The following SESTD1 variants were observed in gnomAD, a reference collection of about 807,000 sequenced individuals.
The protein encoded by SESTD1 is SEC14 domain and spectrin repeat-containing protein 1.
A neutral mutation model predicts 101.7 loss-of-function variants in SESTD1; 43 were observed. That is an observed-to-expected ratio of 0.42 (90% confidence interval 0.33 to 0.55). The LOEUF (loss-of-function observed/expected upper bound fraction) is 0.55, where lower values mean the gene tolerates loss of function less well. Ranked by LOEUF, SESTD1 falls within the 20% of genes least tolerant of loss-of-function variation. The pLI is 0.07. For missense variants in SESTD1, 647 were observed against 815.1 expected, an observed-to-expected ratio of 0.79 and a Z score of 2.51; for synonymous variants, 283 against 286.8, an observed-to-expected ratio of 0.99 and a Z score of 0.13.
At chr2:179,143,564 G>C (rs2045326990) in intron 9 of SESTD1, 28 bp downstream of exon 9, 1 of 1,594,728 alleles carries the variant, frequency 6.3e-7, no homozygotes, top group Non-Finnish European at 8.6e-7. Flanking sequence ...ATTAAAAAGA[G>C]TTAAATATAT....
At chr2:179,117,426 AG>A in intron 14 of SESTD1, 105 bp downstream of exon 14, 1 of 986,820 alleles carries the variant, frequency 1.0e-6, no homozygotes, top group Non-Finnish European at 1.5e-6. Flanking sequence ...CCTGACTTCA[AG>A]AATTTACTTT....
rs148092417 is a variant in SESTD1 at position 179,195,422 on chromosome 2, G to T, written c.-25-3556C>A. Among the ~76,000 whole-genome samples, 645 of 152,292 alleles carry T rather than the reference G, an allele frequency of 4.2e-3. 2 individuals carry two copies. Among genetic ancestry groups the T allele is most frequent in the African/African-American group, 0.014 (596 of 41,550 alleles). On this transcript the variant is annotated intron_variant, in intron 1 of 17. Transcript: ENST00000428443. Reference sequence around the variant, plus strand: ...TGTTAAGTTTCCTGAGGTCTCCCCAGCCATGCAGAACTGTGAGTGAATTAA... The same window carrying T: ...TGTTAAGTTTCCTGAGGTCTCCCCATCCATGCAGAACTGTGAGTGAATTAA...
chr2:179,196,978 GAGA>G (rs1477206563), intron 1 of SESTD1, among the ~76,000 whole-genome samples: 1 of 152,224 alleles, frequency 6.6e-6, no homozygotes, highest in South Asian at 2.1e-4. Flanking sequence ...GATGAGCTGA[GAGA>G]AGAAGGCTTC....
chr2:179,243,191 A>C (rs1447020931), intron 1 of SESTD1, among the ~76,000 whole-genome samples: 2 of 152,178 alleles, frequency 1.3e-5, no homozygotes, highest in Admixed American at 1.3e-4. Flanking sequence ...GCTCAATATC[A>C]CTAGTCATCA....
chr2:179,227,715 T>C (rs1229188806), intron 1 of SESTD1, among the ~76,000 whole-genome samples: 1 of 152,084 alleles, frequency 6.6e-6, no homozygotes, highest in Non-Finnish European at 1.5e-5. Flanking sequence ...GAAGTAGCAA[T>C]TCCCGGTTTT....
At chr2:179,132,666 T>A (rs750950220) in intron 9 of SESTD1, among the ~76,000 whole-genome samples, 18 of 152,248 alleles carry the variant, frequency 1.2e-4, no homozygotes, top group Non-Finnish European at 2.1e-4. Flanking sequence ...GCTATCTGAT[T>A]ATCTTTCAGG....
At chr2:179,246,724 T>C (rs1209209113) in intron 1 of SESTD1, among the ~76,000 whole-genome samples, 1 of 152,124 alleles carries the variant, frequency 6.6e-6, no homozygotes, top group East Asian at 1.9e-4. Context: ...TCTCAACAAA[T>C]TTAAAATAAC....
At chr2:179,199,791 T>C (rs980072764) in intron 1 of SESTD1, among the ~76,000 whole-genome samples, 2 of 152,232 alleles carry the variant, frequency 1.3e-5, no homozygotes, top group Non-Finnish European at 2.9e-5. Context: ...AATTAGGTAT[T>C]GATGGGACAT....
At chr2:179,235,947 T>A (rs926605729) in intron 1 of SESTD1, among the ~76,000 whole-genome samples, 1 of 152,164 alleles carries the variant, frequency 6.6e-6, no homozygotes, top group Non-Finnish European at 1.5e-5. Context: ...ATGAAATTCC[T>A]ACTCATGCTT....
intron 1 of SESTD1, among the ~76,000 whole-genome samples, chr2:179,230,787 A>AT (rs1419592460): frequency 6.6e-6 from 1 of 152,100 alleles, no homozygotes; most frequent in African/African-American, 2.4e-5. Context: ...CCAAAAAAAA[A>AT]TTTGCAGAAA....
intron 15 of SESTD1, 140 bp downstream of exon 15, chr2:179,116,528 T>C: frequency 7.3e-7 from 1 of 1,361,392 alleles, no homozygotes; most frequent in Non-Finnish European, 1.0e-6. Flanking sequence ...ATGCACCAGC[T>C]GACATTTTCT....
Position 179,117,592 on chromosome 2 carries a change from CA to C in SESTD1, c.1463del (p.Val488GlyfsTer4). On this transcript the variant is annotated frameshift_variant, in exon 14 of 18. Transcript: ENST00000428443. LOFTEE classifies it high-confidence loss of function. ...CCATCTGAAGCATCTTTAACCTTCG[CA>C]CATCTACCATGTCTTCACATCTAAT... is the stretch of plus-strand genomic sequence containing the variant. ...RKQRCEDMVDVRRLKMLQMVQ... is the reference protein window; with the variant it reads ...RKQRCEDMVDXRRLKMLQMVQ... The C allele has an allele frequency of 6.3e-7, 1 of 1,581,110 alleles. No individual in the cohort carries two copies. Among genetic ancestry groups the C allele is most frequent in the Non-Finnish European group, 8.6e-7 (1 of 1,169,368 alleles).
chr2:179,121,819 C>T lies in SESTD1; in HGVS notation c.1393G>A (p.Val465Met), dbSNP rs368008123. 6.8e-6 allele frequency: 11 copies of T among 1,608,064 alleles called. No homozygotes were observed. The highest frequency in any genetic ancestry group is 9.3e-6 in the Non-Finnish European group (11 of 1,177,252). ...KDVTIENKEN[V>M]DHIQGVMEDM... ...TCCATCACTCCTTGTATGTGGTCCA[C>T]ATTTTCTTTATTTTCAATGGTTACA... Residue 465 changes from valine (V) to methionine (M), a missense_variant, in exon 13 of 18, where the codon GTG (valine) becomes ATG (methionine). Val to Met is a conservative substitution (Grantham distance 21). Transcript: ENST00000428443.
chr2:179,193,094 C>T (rs561217517), intron 1 of SESTD1, among the ~76,000 whole-genome samples: 1 of 151,994 alleles, frequency 6.6e-6, no homozygotes, highest in Non-Finnish European at 1.5e-5. Flanking sequence ...AACAGCCCTG[C>T]TCTAGGGGGT....
intron 7 of SESTD1, 68 bp downstream of exon 7, chr2:179,149,229 T>C (rs2045464935): frequency 2.7e-6 from 3 of 1,110,100 alleles, no homozygotes; most frequent in Admixed American, 2.6e-5. Context: ...GCATTAACAA[T>C]AGAGATATCT....
rs538450912 is a variant in SESTD1, at chr2:179,213,453, A to G, written c.-25-21587T>C. 5.9e-5 allele frequency among the ~76,000 whole-genome samples: 8 copies of G among 135,088 alleles called. 2 individuals carry two copies. In the East Asian group the frequency reaches 6.0e-4, roughly 10 times the overall value. 88.6% of individuals were successfully genotyped at this position (135,088 alleles called of 152,430 possible). On this transcript the variant is annotated intron_variant, in intron 1 of 17. Transcript: ENST00000428443. ...ACAGAAAGACAAGCTTAAAGAAAAA[A>G]GAGTAAAAAGAAACGAACAAAGCCT...
chr2:179,149,523 T>G (rs552056272), intron 6 of SESTD1, 129 bp from the exon 7 acceptor site: 2 of 575,230 alleles, frequency 3.5e-6, no homozygotes, highest in South Asian at 5.2e-5. Flanking sequence ...TTCGTGCAAT[T>G]CTACCACCAG....
At chr2:179,123,637 G>A (rs755826946) in intron 12 of SESTD1, 78 bp downstream of exon 12, 51 of 913,730 alleles carry the variant, frequency 5.6e-5, no homozygotes, top group Non-Finnish European at 7.8e-5. Context: ...AGTGTAAGTT[G>A]ACTTAATTGT....
intron 1 of SESTD1, among the ~76,000 whole-genome samples, chr2:179,215,948 T>C (rs1313133856): frequency 7.4e-6 from 1 of 135,354 alleles, no homozygotes. Flanking sequence ...TAGCCCTTTA[T>C]GCTAAAAACT....
Sources: gnomAD v4.1 joint callset for allele counts (sites outside exome capture counted in the v4.1 genomes callset) on GRCh38, gnomAD v4.1.1 for gene constraint, MANE v1.5 for transcripts, NCBI Gene and HGNC (gene_info 2026-07-23, HGNC 2026-07-21) for gene names.